THAP8: variants seen among roughly 807,000 people sequenced by gnomAD.
THAP8 encodes THAP domain-containing protein 8.
A neutral mutation model predicts 25.0 loss-of-function variants in THAP8; 24 were observed. That is an observed-to-expected ratio of 0.96 (90% CI 0.69 to 1.35). The LOEUF (loss-of-function observed/expected upper bound fraction) is 1.35, where lower values mean the gene tolerates loss of function less well. THAP8 is among the 40% of genes most tolerant of loss of function. The pLI is 0.00. For missense variants in THAP8, 399 were observed against 368.8 expected (o/e 1.08, Z -0.67); for synonymous variants, 169 against 157.6 (o/e 1.07, Z -0.54).
At chr19:36,052,553 T>C (rs1970086215) in intron 1 of THAP8, among the ~76,000 whole-genome samples, 1 of 152,192 alleles carries the variant, frequency 6.6e-6, no homozygotes, top group African/African-American at 2.4e-5. Context: ...TTAGGTGAAA[T>C]GTAAACTAAG....
At chr19:36,039,880 G>T in intron 2 of THAP8, 64 bp downstream of exon 2, 1 of 1,603,342 alleles carries the variant, frequency 6.2e-7, no homozygotes, top group South Asian at 1.1e-5. Flanking sequence ...ACTCAAGGAG[G>T]GACTTCCCTT....
chr19:36,047,771 A>G (rs1052164482), intron 1 of THAP8, among the ~76,000 whole-genome samples: 1 of 151,822 alleles, frequency 6.6e-6, no homozygotes, highest in Non-Finnish European at 1.5e-5. Context: ...TGGAAGTTGC[A>G]GTGAGCTGAG....
chr19:36,051,194 G>A (rs1054432859), intron 1 of THAP8, among the ~76,000 whole-genome samples: 3 of 152,082 alleles, frequency 2.0e-5, no homozygotes, highest in Non-Finnish European at 4.4e-5. Flanking sequence ...GAAATCAGAG[G>A]GAATCACACA....
chr19:36,036,648 C>T (rs1969457748), intron 3 of THAP8, among the ~76,000 whole-genome samples: 1 of 151,972 alleles, frequency 6.6e-6, no homozygotes, highest in African/African-American at 2.4e-5. Context: ...GACTATCAAT[C>T]TGAGACTCCT....
intron 1 of THAP8, among the ~76,000 whole-genome samples, chr19:36,043,337 G>T (rs1969765707): frequency 6.6e-6 from 1 of 152,176 alleles, no homozygotes; most frequent in Non-Finnish European, 1.5e-5. Context: ...TCACTTATAT[G>T]AGGTAGAACA....
chr19:36,036,856 G>A (rs949641366), intron 3 of THAP8, among the ~76,000 whole-genome samples: 1 of 149,942 alleles, frequency 6.7e-6, no homozygotes, highest in African/African-American at 2.5e-5. Context: ...CAGGAGAATC[G>A]CTTGAACCAG....
intron 1 of THAP8, among the ~76,000 whole-genome samples, chr19:36,042,941 A>G (rs1248607559): frequency 1.3e-5 from 2 of 151,312 alleles, no homozygotes; most frequent in African/African-American, 4.9e-5. Context: ...TTATTTATTT[A>G]TTTTTGCGAT....
intron 1 of THAP8, 140 bp from the exon 2 acceptor site, chr19:36,040,276 C>G: frequency 1.3e-6 from 1 of 793,390 alleles, no homozygotes; most frequent in Non-Finnish European, 1.9e-6. Context: ...TGTGCCCAGG[C>G]TTTCTCTATC....
At chr19:36,048,494 T>C (rs1733594218) in intron 1 of THAP8, among the ~76,000 whole-genome samples, 1 of 151,614 alleles carries the variant, frequency 6.6e-6, no homozygotes, top group African/African-American at 2.4e-5. Context: ...GCCTCCTGAG[T>C]AGCTGGGATT....
chr19:36,054,180 G>C lies in THAP8; in HGVS notation c.38C>G (p.Thr13Ser), dbSNP rs1014104339. 1 of 1,613,928 alleles carries C rather than the reference G, an allele frequency of 6.2e-7. No homozygotes were observed. Among genetic ancestry groups the C allele is most frequent in the Non-Finnish European group, 8.5e-7 (1 of 1,179,958 alleles). The change falls in exon 1 of 4, where the codon ACT (threonine) becomes AGT (serine). Residue 13 changes from threonine to serine, a missense_variant. Coordinates refer to ENST00000292894, the MANE Select transcript of THAP8 (RefSeq NM_152658.3). ...KYCRAPNCSN[T>S]AGRLGADNRP... ...GTTGTCTGCACCCAGGCGGCCCGCA[G>C]TGTTGGAGCAGTTCGGCGCCCTGCA...
chr19:36,039,191 G>T, intron 3 of THAP8, 132 bp downstream of exon 3: 2 of 1,305,950 alleles, frequency 1.5e-6, no homozygotes, highest in Non-Finnish European at 2.0e-6. Context: ...CACTGAGCCC[G>T]GGAAAGCCAG....
chr19:36,051,403 G>A (rs1025748527), intron 1 of THAP8, among the ~76,000 whole-genome samples: 1 of 152,090 alleles, frequency 6.6e-6, no homozygotes, highest in Non-Finnish European at 1.5e-5. Context: ...AGTCACGGAA[G>A]GGATCTGGGC....
intron 1 of THAP8, among the ~76,000 whole-genome samples, chr19:36,051,603 C>G (rs1249097716): frequency 6.6e-6 from 1 of 152,072 alleles, no homozygotes; most frequent in Non-Finnish European, 1.5e-5. Flanking sequence ...AAATTCTGGA[C>G]AGTTTGTAAA....
chr19:36,043,398 G>C (rs1353330325), intron 1 of THAP8, among the ~76,000 whole-genome samples: 1 of 152,142 alleles, frequency 6.6e-6, no homozygotes, highest in East Asian at 1.9e-4. Context: ...AGAGCCTGGG[G>C]GAGAGGGAAA....
rs767460428 is a variant in THAP8, at chr19:36,054,197, C to T, written c.21G>A (p.Ala7=). 3.8e-5 allele frequency: 62 copies of T among 1,613,734 alleles called. No homozygotes were observed. The highest frequency in any genetic ancestry group is 5.1e-5 in the Non-Finnish European group (60 of 1,179,904). Residue 7 remains alanine, a synonymous_variant, in exon 1 of 4, where the codon GCG becomes GCA. Transcript: ENST00000292894. ...GGCCCGCAGTGTTGGAGCAGTTCGG[C>T]GCCCTGCAGTACTTGGGCATGGCTA... MPKYCR[A]PNCSNTAGRL...
intron 3 of THAP8, among the ~76,000 whole-genome samples, chr19:36,037,156 A>AT (rs1386544350): frequency 6.6e-6 from 1 of 151,136 alleles, no homozygotes; most frequent in Non-Finnish European, 1.5e-5. Context: ...TCAAACTGTG[A>AT]TTTTCAGAGA....
chr19:36,040,171 C>A, intron 1 of THAP8, 35 bp from the exon 2 acceptor site: 2 of 1,569,042 alleles, frequency 1.3e-6, no homozygotes, highest in Non-Finnish European at 1.7e-6. Context: ...GTCAGTGCTA[C>A]GAGGTTCAGA....
intron 1 of THAP8, among the ~76,000 whole-genome samples, chr19:36,051,927 GCCT>G (rs1970067077): frequency 6.6e-6 from 1 of 152,072 alleles, no homozygotes; most frequent in African/African-American, 2.4e-5. Context: ...CCTGAGTTCC[GCCT>G]CCTGTCAGAG....
Position 36,054,156 on chromosome 19 carries a change from T to G in THAP8, c.62A>C (p.Asn21Thr), listed in dbSNP as rs750436072. 2 of 1,613,682 alleles carry G rather than the reference T, an allele frequency of 1.2e-6. No individual in the cohort carries two copies. The highest frequency in any genetic ancestry group is 1.7e-6 in the Non-Finnish European group (2 of 1,179,894). The part of the protein sequence containing the change: ...SNTAGRLGAD[N>T]RPVSFYKFPL... Reference sequence around the variant, plus strand: ...TCACTTGTAGAAGCTCACAGGGCGGTTGTCTGCACCCAGGCGGCCCGCAGT... The same window carrying G: ...TCACTTGTAGAAGCTCACAGGGCGGGTGTCTGCACCCAGGCGGCCCGCAGT... The change falls in exon 1 of 4, where the codon AAC becomes ACC. Residue 21 changes from asparagine (N) to threonine (T), a missense_variant. By Grantham distance (65) the Asn-to-Thr change is moderately conservative. Transcript: ENST00000292894.
Sources: gnomAD v4.1 joint callset for allele counts (sites outside exome capture counted in the v4.1 genomes callset) on GRCh38, gnomAD v4.1.1 for gene constraint, MANE v1.5 for transcripts, NCBI Gene and HGNC (gene_info 2026-07-23, HGNC 2026-07-21) for gene names.